Variants in NCAPH observed in about 807,000 individuals in gnomAD.
NCAPH encodes the protein non-SMC condensin I complex subunit H, also known as condensin complex subunit 2.
Under a neutral mutation model 85.5 loss-of-function variants are expected in NCAPH, and 38 were observed. That is an observed-to-expected ratio of 0.44 (90% confidence interval 0.34 to 0.58). The LOEUF (loss-of-function observed/expected upper bound fraction) is 0.58, where lower values mean the gene tolerates loss of function less well. NCAPH is among the 20% of genes least tolerant of loss of function. NCAPH has a pLI of 0.01. For synonymous variants in NCAPH, 301 were observed against 335.1 expected (o/e 0.90, Z 1.11); for missense variants, 789 against 916.6 (o/e 0.86, Z 1.80).
rs180920844 is a variant in NCAPH at position 96,341,916 on chromosome 2, T to A, written c.272+22T>A. The A allele has an allele frequency of 3.1e-6, 5 of 1,605,980 alleles. No individual in the cohort carries two copies. In the Admixed American group the frequency reaches 8.4e-5, roughly 27 times the overall value. ...GCAGGTGAGGTGCTCCTGGGCTGTT[T>A]CTCCTTGAGGCAGCCGCCTTGATAT... On this transcript the variant is annotated intron_variant, in intron 2 of 17. Transcript: ENST00000240423.
At position 96,373,445 on chromosome 2, in the gene NCAPH, T is replaced by A; in HGVS notation, c.*94T>A. Reference sequence around the variant, plus strand: ...GGGGGAAGAAGATGCCATGGGCTTATACCCAGGCTGTAGCCAACTACCAAC... The same window carrying A: ...GGGGGAAGAAGATGCCATGGGCTTAAACCCAGGCTGTAGCCAACTACCAAC... On this transcript the variant is annotated 3_prime_UTR_variant, in exon 18 of 18. Transcript: ENST00000240423. The A allele has an allele frequency of 1.6e-6, 2 of 1,230,732 alleles. No individual in the cohort carries two copies. Among genetic ancestry groups the A allele is most frequent in the Non-Finnish European group, 2.4e-6 (2 of 843,432 alleles). 76.2% of individuals were successfully genotyped at this position (1,230,732 alleles called of 1,614,324 possible). A position where few individuals can be genotyped will look rare whatever the true frequency, so the allele number is the denominator to read the frequency against.
chr2:96,361,755 T>C (rs2064613892), intron 12 of NCAPH, among the ~76,000 whole-genome samples: 1 of 131,468 alleles, frequency 7.6e-6, no homozygotes. Flanking sequence ...TAATGATATA[T>C]ATATATATAT....
At chr2:96,369,101 A>C in intron 16 of NCAPH, 38 bp downstream of exon 16, 26 of 1,543,136 alleles carry the variant, frequency 1.7e-5, no homozygotes, top group Non-Finnish European at 2.1e-5. Context: ...GTTGGGGCTC[A>C]CCTCTCTGAG....
In NCAPH at chr2:96,375,406, G is replaced by A. The variant is rs1354385539; in HGVS notation, c.*2055G>A. Among the ~76,000 whole-genome samples the A allele has an allele frequency of 6.6e-6, 1 of 152,134 alleles. No individual in the cohort carries two copies. The highest frequency in any genetic ancestry group is 2.4e-5 in the African/African-American group (1 of 41,438). On this transcript the variant is annotated 3_prime_UTR_variant, in exon 18 of 18. Transcript: ENST00000240423. ...CCTTTGGGAGGTGATTAGGTTATGA[G>A]GGCAGATCCCTCGTGAATGGGATTA...
chr2:96,351,905 C>T lies in NCAPH; in HGVS notation c.795C>T (p.Leu265=), dbSNP rs1182934453. 1 of 1,614,132 alleles carries T rather than the reference C, an allele frequency of 6.2e-7. No individual in the cohort carries two copies. The highest frequency in any genetic ancestry group is 1.7e-5 in the Admixed American group (1 of 60,024). The part of the protein sequence containing the change: ...CSTAGVFLST[L]HCQDYRSELL... ...CAGCAGGGGTGTTTCTGTCCACTCT[C>T]CACTGCCAGGACTACAGAAGTGAAC... The change falls in exon 7 of 18, where the codon CTC becomes CTT. Residue 265 remains leucine, a synonymous_variant. Transcript: ENST00000240423.
At chr2:96,373,220 A>G in intron 17 of NCAPH, 72 bp from the exon 18 acceptor site, 9 of 1,309,748 alleles carry the variant, frequency 6.9e-6, no homozygotes, top group Non-Finnish European at 9.9e-6. Context: ...CTACCTTGTG[A>G]CTGTGATTGG....
chr2:96,359,244 G>T, intron 10 of NCAPH, 51 bp downstream of exon 10: 3 of 1,597,562 alleles, frequency 1.9e-6, no homozygotes, highest in Non-Finnish European at 2.6e-6. Flanking sequence ...TAGATGACCA[G>T]CCAGTCAGCA....
intron 6 of NCAPH, among the ~76,000 whole-genome samples, chr2:96,351,583 G>A (rs373790424): frequency 2.0e-5 from 3 of 151,052 alleles, no homozygotes; most frequent in East Asian, 1.9e-4. Flanking sequence ...CCCAAGAATC[G>A]CTTGAGCCTG....
At position 96,342,764 on chromosome 2, in the gene NCAPH, T is replaced by C. The variant is rs752610917; in HGVS notation, c.372T>C (p.Thr124=). Residue 124 remains threonine (T), a synonymous_variant, in exon 4 of 18, where the codon ACT becomes ACC. Coordinates refer to ENST00000240423, the MANE Select transcript of NCAPH (RefSeq NM_015341.5). Reference sequence around the variant, plus strand: ...CAATTTTCTGTTTTCAGAAAATCACTACCAAGAATGCTTTTGGTTTGCACT... The same window carrying C: ...CAATTTTCTGTTTTCAGAAAATCACCACCAAGAATGCTTTTGGTTTGCACT... ...CIKLSTENKI[T]TKNAFGLHLI... is the part of the protein sequence containing the mutation. 6.2e-7 allele frequency: 1 copy of C among 1,611,926 alleles called. No individual in the cohort carries two copies. Among genetic ancestry groups the C allele is most frequent in the Non-Finnish European group, 8.5e-7 (1 of 1,178,826 alleles).
chr2:96,350,489 A>G (rs1558793647), intron 6 of NCAPH, among the ~76,000 whole-genome samples: 1 of 152,100 alleles, frequency 6.6e-6, no homozygotes, highest in Non-Finnish European at 1.5e-5. Flanking sequence ...AGGTATTTTT[A>G]GGATGGGGAA....
chr2:96,358,995 T>C lies in NCAPH; in HGVS notation c.1209-50T>C, dbSNP rs1410261699. Reference sequence around the variant, plus strand: ...TGCGGACATATGCTTCATATGTAAATACAGCATTATAATATATGTATTGTA... The same window carrying C: ...TGCGGACATATGCTTCATATGTAAACACAGCATTATAATATATGTATTGTA... On this transcript the variant is annotated intron_variant, in intron 9 of 17. Transcript: ENST00000240423. The C allele has an allele frequency of 3.8e-6, 6 of 1,566,698 alleles. No homozygotes were observed. In the South Asian group the frequency reaches 7.0e-5, roughly 18 times the overall value.
chr2:96,346,912 G>A (rs1488198390), intron 6 of NCAPH, among the ~76,000 whole-genome samples: 1 of 152,150 alleles, frequency 6.6e-6, no homozygotes, highest in Non-Finnish European at 1.5e-5. Flanking sequence ...CCAAGAGACA[G>A]TGTACTGGAT....
chr2:96,342,130 C>G lies in NCAPH; in HGVS notation c.353C>G (p.Ser118Cys). ...TEHYSTCIKL[S>C]TENKITTKNA... The stretch of plus-strand genomic sequence containing the variant: ...CATTACTCCACCTGTATCAAACTGT[C>G]CACTGAAAATGTGAGTATTTGCTGG... Residue 118 changes from serine to cysteine, a missense_variant, in exon 3 of 18, where the codon TCC (serine) becomes TGC (cysteine). Coordinates refer to ENST00000240423, the MANE Select transcript of NCAPH (RefSeq NM_015341.5). The G allele has an allele frequency of 1.2e-6, 2 of 1,607,098 alleles. No individual in the cohort carries two copies. Among genetic ancestry groups the G allele is most frequent in the Non-Finnish European group, 1.7e-6 (2 of 1,173,582 alleles).
intron 1 of NCAPH, among the ~76,000 whole-genome samples, chr2:96,336,357 CAAAAG>C (rs2064214939): frequency 6.6e-6 from 1 of 152,104 alleles, no homozygotes; most frequent in Non-Finnish European, 1.5e-5. Flanking sequence ...AGACAGTAAA[CAAAAG>C]AAATAATTAC....
At chr2:96,356,158 A>C (rs1450019601) in intron 9 of NCAPH, among the ~76,000 whole-genome samples, 1 of 152,188 alleles carries the variant, frequency 6.6e-6, no homozygotes, top group African/African-American at 2.4e-5. Context: ...TATTCCAAAC[A>C]GCACAAAATC....
intron 6 of NCAPH, among the ~76,000 whole-genome samples, chr2:96,344,618 G>T (rs773212727): frequency 7.9e-5 from 12 of 152,140 alleles, no homozygotes; most frequent in Non-Finnish European, 1.6e-4. Flanking sequence ...ATCATTTTAG[G>T]AAGAGGTAAC....
chr2:96,355,885 C>T (rs1304198354), intron 9 of NCAPH, among the ~76,000 whole-genome samples: 6 of 152,170 alleles, frequency 3.9e-5, no homozygotes, highest in East Asian at 3.9e-4. Flanking sequence ...CCTCCCACCT[C>T]GGCCTCCCAA....
At position 96,369,001 on chromosome 2, in the gene NCAPH, G is replaced by A. The variant is rs139956559; in HGVS notation, c.2028G>A (p.Ala676=). The change falls in exon 16 of 18, where the codon GCG becomes GCA. Residue 676 remains alanine (A), a synonymous_variant. Transcript: ENST00000240423. ...ACCACAGGGAAGCTGGAAAAGAAGCGGCCCTGGCAGAAGTGGCTGACGAGA... is the reference window on the plus strand; with the variant it reads ...ACCACAGGGAAGCTGGAAAAGAAGCAGCCCTGGCAGAAGTGGCTGACGAGA... ...EANHREAGKE[A]ALAEVADEKM... is the part of the protein sequence containing the mutation. The A allele has an allele frequency of 6.1e-5, 95 of 1,556,024 alleles. No individual in the cohort carries two copies. In the African/African-American group the frequency reaches 6.4e-4, roughly 10 times the overall value.
rs181754243 is a variant in NCAPH, at chr2:96,360,311, A to T, written c.1464+62A>T. On this transcript the variant is annotated intron_variant, in intron 11 of 17. Coordinates refer to ENST00000240423, the MANE Select transcript of NCAPH (RefSeq NM_015341.5). ...TTTTCCCTTTCAGATGTGATTTTTT[A>T]AAATTCCGTATAAATTTAACTGTTA... is the stretch of plus-strand genomic sequence containing the variant. The T allele has an allele frequency of 3.0e-4, 310 of 1,027,712 alleles. 1 individual carries two copies. The East Asian group carries it at 6.4e-3, about 21-fold the overall frequency. The allele number at this position is 1,027,712 out of a possible 1,614,324, so 63.7% of individuals were successfully genotyped here. A position where few individuals can be genotyped will look rare whatever the true frequency, so the allele number is the denominator to read the frequency against.
Sources: allele counts gnomAD v4.1 joint callset (sites outside exome capture counted in the v4.1 genomes callset), GRCh38; gene constraint gnomAD v4.1.1; transcripts MANE v1.5; gene names NCBI Gene and HGNC (gene_info 2026-07-23, HGNC 2026-07-21).